RIOK2: variants seen among roughly 807,000 people sequenced by gnomAD.
RIOK2 encodes the protein RIO kinase 2, also known as serine/threonine-protein kinase RIO2.
A neutral mutation model predicts 62.4 loss-of-function variants in RIOK2; 46 were observed. That is an observed-to-expected ratio of 0.74 (90% confidence interval 0.58 to 0.94). RIOK2 has a LOEUF of 0.94. RIOK2 is among the 40% of genes least tolerant of loss of function. The probability of loss-of-function intolerance (pLI) is 0.00; values close to 1 mark genes in which losing one functional copy is unlikely to be tolerated. For synonymous variants in RIOK2, 197 were observed against 216.0 expected (o/e 0.91, Z 0.77); for missense variants, 574 against 658.0 (o/e 0.87, Z 1.40).
rs1748914153 is a variant in RIOK2, at chr5:97,168,749, G to C, written c.872+11C>G. On this transcript the variant is annotated intron_variant, in intron 7 of 9. Coordinates refer to ENST00000283109, the MANE Select transcript of RIOK2 (RefSeq NM_018343.3). ...ACTGTTCTATTATGTAAAGCAATGG[G>C]GAGTACAAACCTGATATCCTTAAAA... The C allele has an allele frequency of 6.8e-7, 1 of 1,477,302 alleles. No individual in the cohort carries two copies. The highest frequency in any genetic ancestry group is 2.0e-5 in the Admixed American group (1 of 49,218). 91.5% of individuals were successfully genotyped at this position (1,477,302 alleles called of 1,614,324 possible).
chr5:97,170,433 C>T (rs1320528069), intron 6 of RIOK2, among the ~76,000 whole-genome samples: 2 of 152,072 alleles, frequency 1.3e-5, no homozygotes, highest in Non-Finnish European at 2.9e-5. Context: ...CAACTGAGTC[C>T]AGTCCAAAAC....
chr5:97,172,504 A>G (rs1446511240), intron 5 of RIOK2, among the ~76,000 whole-genome samples: 2 of 152,150 alleles, frequency 1.3e-5, no homozygotes, highest in Non-Finnish European at 2.9e-5. Context: ...CACAACTATC[A>G]CTGTAATCAG....
At chr5:97,179,965 A>ATATATATATAT (rs1749293603) in intron 1 of RIOK2, among the ~76,000 whole-genome samples, 1 of 40,542 alleles carries the variant, frequency 2.5e-5, no homozygotes, top group African/African-American at 1.0e-4. Flanking sequence ...AAAGTATTTT[A>ATATATATATAT]TATATATATA....
Position 97,166,833 on chromosome 5 carries a change from A to C in RIOK2, c.1397+634T>G, listed in dbSNP as rs1295884112. 5.1e-6 allele frequency: 5 copies of C among 983,834 alleles called. No individual in the cohort carries two copies. The East Asian group carries it at 5.6e-4, about 111-fold the overall frequency. 60.9% of individuals were successfully genotyped at this position (983,834 alleles called of 1,614,324 possible). ...CACACATCAGATGTGTAATTAGGAAAATATATGAGGAATAACTCATCCATC... is the reference window on the plus strand; with the variant it reads ...CACACATCAGATGTGTAATTAGGAACATATATGAGGAATAACTCATCCATC... On this transcript the variant is annotated intron_variant, in intron 8 of 9. Coordinates refer to ENST00000283109, the MANE Select transcript of RIOK2 (RefSeq NM_018343.3).
intron 1 of RIOK2, among the ~76,000 whole-genome samples, chr5:97,181,496 A>C (rs139027063): frequency 3.9e-5 from 6 of 152,294 alleles, no homozygotes; most frequent in Non-Finnish European, 7.4e-5. Flanking sequence ...CTAGTCAAAC[A>C]ATGATTATTG....
At chr5:97,172,293 C>G (rs1383502433) in intron 5 of RIOK2, among the ~76,000 whole-genome samples, 1 of 152,112 alleles carries the variant, frequency 6.6e-6, no homozygotes. Flanking sequence ...TCTGTCCCAC[C>G]CTCCAACTCC....
chr5:97,180,984 A>G (rs1749391846), intron 1 of RIOK2, among the ~76,000 whole-genome samples: 1 of 152,106 alleles, frequency 6.6e-6, no homozygotes, highest in African/African-American at 2.4e-5. Context: ...GTTTAAAGGA[A>G]AACTGGAGGC....
At chr5:97,181,514 A>C (rs75817086) in intron 1 of RIOK2, among the ~76,000 whole-genome samples, 1,710 of 152,222 alleles carry the variant, frequency 0.011, 11 homozygotes, top group Middle Eastern at 0.034. Context: ...TTGATATAGG[A>C]GGAGCCAAAG....
intron 6 of RIOK2, among the ~76,000 whole-genome samples, chr5:97,170,925 G>C (rs909407443): frequency 3.3e-5 from 5 of 151,814 alleles, no homozygotes; most frequent in African/African-American, 1.2e-4. Context: ...AGGCCGAGGC[G>C]GGTGGATCAC....
At chr5:97,169,961 A>G (rs939499195) in intron 6 of RIOK2, among the ~76,000 whole-genome samples, 5 of 151,796 alleles carry the variant, frequency 3.3e-5, no homozygotes, top group African/African-American at 1.2e-4. Context: ...CCCCAGTGCC[A>G]GGCATTAATC....
At chr5:97,179,915 T>C (rs1749289620) in intron 1 of RIOK2, among the ~76,000 whole-genome samples, 1 of 128,614 alleles carries the variant, frequency 7.8e-6, no homozygotes, top group Non-Finnish European at 1.6e-5. Flanking sequence ...TATACCTATG[T>C]AACAAACCTG....
At chr5:97,171,163 A>T in intron 6 of RIOK2, 43 bp downstream of exon 6, 1 of 1,294,356 alleles carries the variant, frequency 7.7e-7, no homozygotes, top group Non-Finnish European at 1.0e-6. Flanking sequence ...CCGTCTCCAA[A>T]AAAATAAAAT....
chr5:97,171,327 C>T lies in RIOK2; in HGVS notation c.658G>A (p.Ala220Thr), dbSNP rs1749002521. 6.2e-7 allele frequency: 1 copy of T among 1,609,262 alleles called. No individual in the cohort carries two copies. Among genetic ancestry groups the T allele is most frequent in the Non-Finnish European group, 8.5e-7 (1 of 1,177,936 alleles). Residue 220 changes from alanine to threonine, a missense_variant, in exon 6 of 10, where the codon GCA becomes ACA. By Grantham distance (58) the Ala-to-Thr change is moderately conservative. Transcript: ENST00000283109. ...TCTCCATGAATCAGCCCATGATTTG[C>T]AAGTTTGACAATTAGTTCCATAGCT... is the stretch of plus-strand genomic sequence containing the variant. ...DEAMELIVKL[A>T]NHGLIHGDFN... is the part of the protein sequence containing the mutation.
At chr5:97,173,655 G>T (rs1749079574) in intron 4 of RIOK2, among the ~76,000 whole-genome samples, 2 of 152,216 alleles carry the variant, frequency 1.3e-5, no homozygotes, top group African/African-American at 4.8e-5. Context: ...GTTGAAATGT[G>T]CTCAAAATAT....
Position 97,167,972 on chromosome 5 carries a change from C to A in RIOK2, c.892G>T (p.Val298Leu). 6.3e-7 allele frequency: 1 copy of A among 1,599,608 alleles called. No individual in the cohort carries two copies. The highest frequency in any genetic ancestry group is 8.5e-7 in the Non-Finnish European group (1 of 1,178,060). The change falls in exon 8 of 10, where the codon GTG becomes TTG. Residue 298 changes from valine to leucine, a missense_variant. Physicochemically the swap from Val to Leu is conservative, Grantham distance 32. Transcript: ENST00000283109. ...GTGTAGCCACTGGCAGAAACCTCCACATCAAGAGTGTCTTCTCTCCTAGAA... is the reference window on the plus strand; with the variant it reads ...GTGTAGCCACTGGCAGAAACCTCCAAATCAAGAGTGTCTTCTCTCCTAGAA... ...KDIRREDTLD[V>L]EVSASGYTKE...
intron 3 of RIOK2, 117 bp downstream of exon 3, chr5:97,177,615 A>C (rs1749205626): frequency 1.5e-6 from 1 of 688,880 alleles, no homozygotes; most frequent in African/African-American, 1.8e-5. Context: ...CTTCCAATCA[A>C]CTTTCCAACT....
Position 97,168,804 on chromosome 5 carries a change from A to G in RIOK2, c.828T>C (p.Arg276=). The part of the protein sequence containing the change: ...VKCIKDFFMK[R]FSYESELFPT... ...GAAAAAGCTCACTTTCGTAGCTGAA[A>G]CGTTTCATAAAGAAATCTTTAATGC... The change falls in exon 7 of 10, where the codon CGT becomes CGC. Residue 276 remains arginine (R), a synonymous_variant. Transcript: ENST00000283109. 6.2e-7 allele frequency: 1 copy of G among 1,602,272 alleles called. No homozygotes were observed. Among genetic ancestry groups the G allele is most frequent in the Non-Finnish European group, 8.5e-7 (1 of 1,176,390 alleles).
At chr5:97,180,701 A>G (rs1348384770) in intron 1 of RIOK2, among the ~76,000 whole-genome samples, 1 of 152,096 alleles carries the variant, frequency 6.6e-6, no homozygotes, top group East Asian at 1.9e-4. Flanking sequence ...CCGGAGAACT[A>G]AGACAGAAGT....
At chr5:97,175,524 C>T (rs1472680157) in intron 4 of RIOK2, among the ~76,000 whole-genome samples, 2 of 152,178 alleles carry the variant, frequency 1.3e-5, no homozygotes, top group South Asian at 2.1e-4. Context: ...ACCTACTACC[C>T]TTTTGGGAAA....
Sources: gnomAD v4.1 joint callset for allele counts (sites outside exome capture counted in the v4.1 genomes callset) on GRCh38, gnomAD v4.1.1 for gene constraint, MANE v1.5 for transcripts, NCBI Gene and HGNC (gene_info 2026-07-23, HGNC 2026-07-21) for gene names.